CHST8: variants seen among roughly 807,000 people sequenced by gnomAD.
CHST8 encodes the protein carbohydrate sulfotransferase 8.
CHST8 carries 10 observed loss-of-function variants against 15.0 expected under a neutral mutation model. The ratio of observed to expected loss-of-function variants is 0.67; its 90% confidence interval spans 0.41 to 1.13. CHST8 has a LOEUF of 1.13. Among genes scored for constraint, CHST8 ranks in the 50% most tolerant of loss-of-function variants. CHST8 has a pLI of 0.00. For missense variants in CHST8, 634 were observed against 608.2 expected (o/e 1.04, Z -0.45); for synonymous variants, 259 against 256.6 (o/e 1.01, Z -0.09).
intron 2 of CHST8, among the ~76,000 whole-genome samples, chr19:33,673,444 G>A (rs532350010): frequency 6.6e-6 from 1 of 152,318 alleles, no homozygotes; most frequent in African/African-American, 2.4e-5. Context: ...AGGGGGAGTG[G>A]TGGAGGCCAG....
chr19:33,762,140 G>A (rs1408199462), intron 3 of CHST8, among the ~76,000 whole-genome samples: 2 of 152,188 alleles, frequency 1.3e-5, no homozygotes, highest in Admixed American at 6.5e-5. Context: ...TGGGTGGCGC[G>A]GGTGTGCTGG....
At chr19:33,640,628 T>G (rs1272897911) in intron 1 of CHST8, among the ~76,000 whole-genome samples, 1 of 152,254 alleles carries the variant, frequency 6.6e-6, no homozygotes, top group Non-Finnish European at 1.5e-5. Flanking sequence ...CTTAACTTTT[T>G]TATGTTATTA....
chr19:33,679,153 A>G (rs777449916), intron 2 of CHST8, among the ~76,000 whole-genome samples: 1 of 152,170 alleles, frequency 6.6e-6, no homozygotes. Flanking sequence ...TTTCAGGTTT[A>G]CTCACAGACT....
chr19:33,640,907 G>A (rs1478472142), intron 1 of CHST8, among the ~76,000 whole-genome samples: 1 of 152,068 alleles, frequency 6.6e-6, no homozygotes, highest in Non-Finnish European at 1.5e-5. Flanking sequence ...TCCCAGGGGC[G>A]CCCCGGGATG....
intron 3 of CHST8, among the ~76,000 whole-genome samples, chr19:33,765,954 A>T (rs1974832364): frequency 6.6e-6 from 1 of 152,096 alleles, no homozygotes; most frequent in Non-Finnish European, 1.5e-5. Flanking sequence ...TCATCCAATT[A>T]GTTGTAGGCC....
intron 1 of CHST8, among the ~76,000 whole-genome samples, chr19:33,659,013 T>G (rs911245258): frequency 1.3e-5 from 2 of 151,650 alleles, no homozygotes; most frequent in East Asian, 3.9e-4. Flanking sequence ...TTTATTTCTC[T>G]CTTTTTGCTA....
At chr19:33,741,658 T>C (rs1199054811) in intron 3 of CHST8, among the ~76,000 whole-genome samples, 1 of 152,108 alleles carries the variant, frequency 6.6e-6, no homozygotes, top group African/African-American at 2.4e-5. Context: ...GATTTGATGG[T>C]GATGACTACT....
intron 3 of CHST8, among the ~76,000 whole-genome samples, chr19:33,694,913 C>T (rs952056847): frequency 3.3e-5 from 5 of 149,904 alleles, no homozygotes; most frequent in Non-Finnish European, 4.5e-5. Flanking sequence ...TTTCCCTTCC[C>T]TTCCCTCCCT....
Position 33,631,910 on chromosome 19 carries a change from C to G in CHST8, c.-164+9614C>G, listed in dbSNP as rs562422663. Among the ~76,000 whole-genome samples, 5 of 152,310 alleles carry G rather than the reference C, an allele frequency of 3.3e-5. No individual in the cohort carries two copies. The East Asian group carries it at 9.7e-4, about 29-fold the overall frequency. ...TTCCTCATCCACAAAACGGGGTTAA[C>G]AAGAGAATCCACCTCCTAGAGCTGT... On this transcript the variant is annotated intron_variant, in intron 1 of 4. Transcript: ENST00000650847.
At position 33,715,045 on chromosome 19, in the gene CHST8, G is replaced by T. The variant is rs543327044; in HGVS notation, c.130+25654G>T. Among the ~76,000 whole-genome samples the T allele has an allele frequency of 7.2e-5, 11 of 152,218 alleles. No homozygotes were observed. In the South Asian group the frequency reaches 2.1e-3, roughly 29 times the overall value. On this transcript the variant is annotated intron_variant, in intron 3 of 4. Coordinates refer to ENST00000650847, the MANE Select transcript of CHST8 (RefSeq NM_001127895.2). ...ACTTGTCACTTCTCCCTCCATTCCTGTTCCTCAAGATCACTCCTCCACACA... is the reference window on the plus strand; with the variant it reads ...ACTTGTCACTTCTCCCTCCATTCCTTTTCCTCAAGATCACTCCTCCACACA...
At chr19:33,741,824 A>G (rs1974199426) in intron 3 of CHST8, among the ~76,000 whole-genome samples, 1 of 151,994 alleles carries the variant, frequency 6.6e-6, no homozygotes, top group Non-Finnish European at 1.5e-5. Context: ...GGCATTCCCT[A>G]TGGTGACGGT....
intron 3 of CHST8, 39 bp from the exon 4 acceptor site, chr19:33,771,374 G>C: frequency 6.2e-7 from 1 of 1,610,124 alleles, no homozygotes; most frequent in South Asian, 1.1e-5. Context: ...CCATGTGGCA[G>C]ATCCGCTAAT....
At chr19:33,720,205 A>C (rs1419391408) in intron 3 of CHST8, among the ~76,000 whole-genome samples, 1 of 151,740 alleles carries the variant, frequency 6.6e-6, no homozygotes, top group East Asian at 1.9e-4. Context: ...CATGACATAC[A>C]CCCATACATG....
chr19:33,639,692 G>A (rs576259478), intron 1 of CHST8, among the ~76,000 whole-genome samples: 2 of 152,206 alleles, frequency 1.3e-5, no homozygotes, highest in African/African-American at 4.8e-5. Context: ...GGAAGAAGCT[G>A]TGTTCTCAGG....
chr19:33,687,606 G>T (rs1246433895), intron 2 of CHST8, among the ~76,000 whole-genome samples: 4 of 152,206 alleles, frequency 2.6e-5, no homozygotes, highest in African/African-American at 9.6e-5. Context: ...TCCCGGTGCG[G>T]AGAGGCCTGG....
intron 1 of CHST8, among the ~76,000 whole-genome samples, chr19:33,655,435 A>G (rs1466035049): frequency 1.3e-5 from 2 of 152,154 alleles, no homozygotes; most frequent in Non-Finnish European, 1.5e-5. Flanking sequence ...TTTTGGTACC[A>G]GGGTTATGTG....
intron 1 of CHST8, among the ~76,000 whole-genome samples, chr19:33,653,557 C>G (rs1181949025): frequency 6.6e-6 from 1 of 152,124 alleles, no homozygotes. Flanking sequence ...AGTTCCTTGA[C>G]CCTGTTCTCA....
chr19:33,771,582 C>T, intron 4 of CHST8, 132 bp downstream of exon 4: 1 of 928,948 alleles, frequency 1.1e-6, no homozygotes, highest in Non-Finnish European at 1.7e-6. Flanking sequence ...TTCCCAGGAG[C>T]CTTGGGAACA....
chr19:33,625,841 G>A (rs776427925), intron 1 of CHST8, among the ~76,000 whole-genome samples: 11 of 152,166 alleles, frequency 7.2e-5, no homozygotes, highest in Admixed American at 3.3e-4. Flanking sequence ...CAGCCTAGGC[G>A]ACAAAGCGAG....
Sources: gnomAD v4.1 joint callset for allele counts (sites outside exome capture counted in the v4.1 genomes callset) on GRCh38, gnomAD v4.1.1 for gene constraint, MANE v1.5 for transcripts, NCBI Gene and HGNC (gene_info 2026-07-23, HGNC 2026-07-21) for gene names.